SNX29: variants seen among roughly 807,000 people sequenced by gnomAD.
SNX29 encodes sorting nexin-29.
Under a neutral mutation model 102.1 loss-of-function variants are expected in SNX29, and 78 were observed. The ratio of observed to expected loss-of-function variants is 0.76; its 90% CI spans 0.64 to 0.92. The LOEUF is 0.92. Among genes scored for constraint, SNX29 ranks in the 40% least tolerant of loss-of-function variants. The pLI, the probability that SNX29 is intolerant of heterozygous loss-of-function variation, is 0.00. For synonymous variants in SNX29, 580 were observed against 414.5 expected (o/e 1.40, Z -4.85); for missense variants, 1,280 against 1,061.7 (o/e 1.21, Z -2.86).
intron 18 of SNX29, among the ~76,000 whole-genome samples, chr16:12,417,742 TCTCCTCACC>T (rs565664633): frequency 1.8e-4 from 27 of 152,070 alleles, no homozygotes; most frequent in Non-Finnish European, 3.4e-4. Flanking sequence ...CCACTTCTTG[TCTCCTCACC>T]CTCCTCACCC....
chr16:12,518,515 C>T (rs1474354618), intron 19 of SNX29, among the ~76,000 whole-genome samples: 1 of 152,170 alleles, frequency 6.6e-6, no homozygotes, highest in Non-Finnish European at 1.5e-5. Flanking sequence ...CCAGCTAAAG[C>T]ACCAGCTTCA....
At chr16:12,007,686 G>A (rs1043806350) in intron 3 of SNX29, among the ~76,000 whole-genome samples, 1 of 152,026 alleles carries the variant, frequency 6.6e-6, no homozygotes, top group African/African-American at 2.4e-5. Context: ...CCTGGCCCGC[G>A]GTCCCCATCA....
At chr16:12,206,497 C>T (rs1297501520) in intron 14 of SNX29, among the ~76,000 whole-genome samples, 2 of 151,842 alleles carry the variant, frequency 1.3e-5, no homozygotes, top group African/African-American at 4.8e-5. Context: ...TCACTGTTTG[C>T]AGAGTTGGAA....
chr16:12,204,256 A>T (rs1473020550), intron 14 of SNX29, among the ~76,000 whole-genome samples: 1 of 152,156 alleles, frequency 6.6e-6, no homozygotes, highest in African/African-American at 2.4e-5. Context: ...AGGGGCAGTC[A>T]TTCCGCCAGC....
intron 15 of SNX29, among the ~76,000 whole-genome samples, chr16:12,296,846 T>G (rs942533808): frequency 3.9e-5 from 6 of 152,184 alleles, no homozygotes; most frequent in Non-Finnish European, 8.8e-5. Context: ...CCCACCTAGG[T>G]CAGGTGACTT....
chr16:12,558,756 T>C (rs1279995359), intron 20 of SNX29, among the ~76,000 whole-genome samples: 1 of 152,216 alleles, frequency 6.6e-6, no homozygotes, highest in Non-Finnish European at 1.5e-5. Context: ...CCAGGCCCAT[T>C]GGGTGATCAT....
chr16:12,027,488 TCTG>T (rs1423820319), intron 4 of SNX29, 44 bp downstream of exon 4: 2 of 1,605,974 alleles, frequency 1.2e-6, no homozygotes, highest in South Asian at 2.2e-5. Flanking sequence ...TTGTCTTCCT[TCTG>T]CTCTTTTTCT....
intron 18 of SNX29, among the ~76,000 whole-genome samples, chr16:12,450,029 G>A (rs1386452912): frequency 6.7e-6 from 1 of 149,452 alleles, no homozygotes; most frequent in East Asian, 1.9e-4. Flanking sequence ...GTAATTCTCA[G>A]GAGAGCTGAT....
chr16:12,228,189 A>G (rs948190997), intron 14 of SNX29, among the ~76,000 whole-genome samples: 10 of 152,384 alleles, frequency 6.6e-5, no homozygotes, highest in African/African-American at 1.9e-4. Flanking sequence ...CTGTAGACAC[A>G]TTAGTGTTAG....
At chr16:12,423,958 A>G (rs988088989) in intron 18 of SNX29, among the ~76,000 whole-genome samples, 2 of 152,202 alleles carry the variant, frequency 1.3e-5, no homozygotes, top group African/African-American at 4.8e-5. Context: ...GGTGTCGGGG[A>G]TAGTCCTGTT....
At chr16:12,435,781 A>G (rs2085505845) in intron 18 of SNX29, among the ~76,000 whole-genome samples, 1 of 151,946 alleles carries the variant, frequency 6.6e-6, no homozygotes, top group Non-Finnish European at 1.5e-5. Context: ...AGAGCCAGCC[A>G]CTCCATGGTG....
At chr16:11,983,810 C>T (rs1279684764) in intron 1 of SNX29, 1 of 598,114 alleles carries the variant, frequency 1.7e-6, no homozygotes, top group Non-Finnish European at 2.1e-6. Context: ...GAGCATATTT[C>T]CAGATAAAGC....
rs2089570389 is a variant in SNX29 at position 12,510,583 on chromosome 16, G to T, written c.2179-14119G>T. Among the ~76,000 whole-genome samples the T allele has an allele frequency of 1.3e-5, 2 of 152,062 alleles. 1 individual carries two copies. The highest frequency in any genetic ancestry group is 4.1e-4 in the South Asian group (2 of 4,828). On this transcript the variant is annotated intron_variant, in intron 19 of 20. Transcript: ENST00000566228. ...AGCTACTTGGGAGGTTGAGGCAGGA[G>T]AATCGCTGGAACCCCGGAGGCAGAG...
At position 12,087,325 on chromosome 16, in the gene SNX29, G is replaced by GAGAAT. The variant is rs2052251456; in HGVS notation, c.1402+8410_1402+8411insAGAAT. The GAGAAT allele has an allele frequency of 3.9e-5, 4 of 101,932 alleles. No individual in the cohort carries two copies. In the South Asian group the frequency reaches 8.5e-4, roughly 22 times the overall value. 6.3% of individuals were successfully genotyped at this position (101,932 alleles called of 1,614,324 possible). On this transcript the variant is annotated intron_variant, in intron 11 of 20. Transcript: ENST00000566228. ...AGGCAGGAGAATCGCTTGGAGGCAGGCGAATCGCTTGAACCCAGGAGGCGG... is the reference window on the plus strand; with the variant it reads ...AGGCAGGAGAATCGCTTGGAGGCAGGAGAATCGAATCGCTTGAACCCAGGAGGCGG...
intron 15 of SNX29, among the ~76,000 whole-genome samples, chr16:12,304,515 C>G (rs1440191686): frequency 1.6e-4 from 24 of 152,344 alleles, no homozygotes; most frequent in Admixed American, 1.5e-3. Context: ...TAGCATATTA[C>G]AGAGGCTTTG....
chr16:12,297,066 T>C (rs1410120933), intron 15 of SNX29: 1 of 152,308 alleles, frequency 6.6e-6, no homozygotes, highest in East Asian at 1.9e-4. Flanking sequence ...AAATCCCTGC[T>C]GGTTGAGAAC....
intron 14 of SNX29, among the ~76,000 whole-genome samples, chr16:12,245,097 T>A (rs987798360): frequency 6.6e-6 from 1 of 152,170 alleles, no homozygotes; most frequent in African/African-American, 2.4e-5. Flanking sequence ...CAAAAATTAC[T>A]CCTAAATGGT....
Position 12,474,261 on chromosome 16 carries a change from G to A in SNX29, c.2038-3458G>A, listed in dbSNP as rs574016525. 1.4e-4 allele frequency among the ~76,000 whole-genome samples: 22 copies of A among 152,308 alleles called. 1 individual carries two copies. The East Asian group carries it at 1.5e-3, about 11-fold the overall frequency. ...AACTTGCGGCTGGGCAGTGAGGTGCGTAGTGCCTGGGATAGGACTCAACAC... is the reference window on the plus strand; with the variant it reads ...AACTTGCGGCTGGGCAGTGAGGTGCATAGTGCCTGGGATAGGACTCAACAC... On this transcript the variant is annotated intron_variant, in intron 18 of 20. Transcript: ENST00000566228.
In SNX29 at chr16:12,568,630, C is replaced by G. The variant is rs369269793; in HGVS notation, c.*1C>G. The G allele has an allele frequency of 7.6e-5, 121 of 1,602,552 alleles. No homozygotes were observed. The East Asian group carries it at 1.7e-3, about 23-fold the overall frequency. The stretch of plus-strand genomic sequence containing the variant: ...GGAGCCCCAGAGCGGTGACCTCTGA[C>G]CTCGACAAAACCGCAGCCACGGGCC... On this transcript the variant is annotated 3_prime_UTR_variant, in exon 21 of 21. Transcript: ENST00000566228.
Sources: gnomAD v4.1 joint callset for allele counts (sites outside exome capture counted in the v4.1 genomes callset) on GRCh38, gnomAD v4.1.1 for gene constraint, MANE v1.5 for transcripts, NCBI Gene and HGNC (gene_info 2026-07-23, HGNC 2026-07-21) for gene names.